Variants in GLB1L3 observed in about 807,000 individuals in gnomAD.
GLB1L3 encodes galactosidase beta 1 like 3, also known as beta-galactosidase-1-like protein 3.
Under a neutral mutation model 89.5 loss-of-function variants are expected in GLB1L3, and 89 were observed. The observed-to-expected ratio is 0.99, with a 90% CI of 0.84 to 1.19. The LOEUF is 1.19. Ranked by LOEUF, GLB1L3 falls within the 50% of genes most tolerant of loss-of-function variation. The pLI, the probability that GLB1L3 is intolerant of heterozygous loss-of-function variation, is 0.00. For missense variants in GLB1L3, 812 were observed against 813.3 expected, an observed-to-expected ratio of 1.00 and a Z score of 0.02; for synonymous variants, 314 against 312.3, an observed-to-expected ratio of 1.01 and a Z score of -0.06.
At chr11:134,284,965 G>A (rs1219748036) in intron 6 of GLB1L3, among the ~76,000 whole-genome samples, 4 of 113,838 alleles carry the variant, frequency 3.5e-5, no homozygotes, top group Non-Finnish European at 6.7e-5. Context: ...GTCTTACTCT[G>A]TTGCCCAGGC....
chr11:134,293,405 C>T (rs1056602056), intron 9 of GLB1L3, among the ~76,000 whole-genome samples, 196 bp downstream of exon 9: 9 of 152,056 alleles, frequency 5.9e-5, no homozygotes, highest in Admixed American at 2.6e-4. Flanking sequence ...GTGTCACCTC[C>T]GCTTGTGGAT....
chr11:134,287,243 ATGCAACGAGGAAAGCT>A (rs1193453786), intron 6 of GLB1L3: 3 of 152,272 alleles, frequency 2.0e-5, no homozygotes, highest in Admixed American at 6.5e-5. Context: ...AGGCACATGT[ATGCAACGAGGAAAGCT>A]AATTTACAGG....
At chr11:134,310,942 C>T in intron 12 of GLB1L3, 122 bp from the exon 13 acceptor site, 1 of 726,942 alleles carries the variant, frequency 1.4e-6, no homozygotes, top group Non-Finnish European at 2.4e-6. Context: ...AGCTCTTATA[C>T]CATGGATGAC....
chr11:134,277,162 ATGCCGCGCTGTCCT>A, intron 1 of GLB1L3, 150 bp from the exon 2 acceptor site: 1 of 816,164 alleles, frequency 1.2e-6, no homozygotes, highest in East Asian at 2.5e-5. Flanking sequence ...TGGCCGGGTG[ATGCCGCGCTGTCCT>A]GGCCCTGGGC....
intron 6 of GLB1L3, among the ~76,000 whole-genome samples, chr11:134,284,113 C>A (rs1490692348): frequency 6.6e-6 from 1 of 152,198 alleles, no homozygotes; most frequent in African/African-American, 2.4e-5. Flanking sequence ...ATTCCTCAAG[C>A]TTGCCAATCT....
chr11:134,295,304 TA>T (rs1442135969), intron 9 of GLB1L3, among the ~76,000 whole-genome samples: 1 of 152,228 alleles, frequency 6.6e-6, no homozygotes, highest in Admixed American at 6.5e-5. Context: ...CAGGAAAATT[TA>T]AGTTATTTCT....
chr11:134,298,432 T>C (rs916719285), intron 9 of GLB1L3, among the ~76,000 whole-genome samples: 2 of 152,168 alleles, frequency 1.3e-5, no homozygotes, highest in Non-Finnish European at 2.9e-5. Flanking sequence ...GATGAGCAAA[T>C]TGAATCCAGC....
chr11:134,305,177 A>G (rs1047545000), intron 9 of GLB1L3: 4 of 1,206,578 alleles, frequency 3.3e-6, no homozygotes, highest in South Asian at 2.6e-5. Context: ...CTTCCTCCTT[A>G]TAGTTCTTAT....
At position 134,286,680 on chromosome 11, in the gene GLB1L3, G is replaced by C. The variant is rs369242887; in HGVS notation, c.637-2118G>C. On this transcript the variant is annotated intron_variant, in intron 6 of 19. Coordinates refer to ENST00000431683, the MANE Select transcript of GLB1L3 (RefSeq NM_001080407.3). Reference sequence around the variant, plus strand: ...TAGTCCCAGCTACTCGGGAGGCTGAGGCAGGAGAATGACGTGAACCCGGGG... The same window carrying C: ...TAGTCCCAGCTACTCGGGAGGCTGACGCAGGAGAATGACGTGAACCCGGGG... 1.5e-3 allele frequency among the ~76,000 whole-genome samples: 229 copies of C among 148,512 alleles called. 1 individual carries two copies. The highest frequency in any genetic ancestry group is 5.0e-3 in the African/African-American group (203 of 40,356).
chr11:134,295,981 T>C (rs1028327755), intron 9 of GLB1L3, among the ~76,000 whole-genome samples: 1 of 152,230 alleles, frequency 6.6e-6, no homozygotes, highest in African/African-American at 2.4e-5. Context: ...AACATACTTG[T>C]ATAATTTCTG....
intron 6 of GLB1L3, among the ~76,000 whole-genome samples, chr11:134,286,706 G>T (rs902390610): frequency 6.6e-6 from 1 of 151,452 alleles, no homozygotes; most frequent in Non-Finnish European, 1.5e-5. Context: ...GAACCCGGGG[G>T]GCGGAGCTTG....
Position 134,276,472 on chromosome 11 carries a change from A to T in GLB1L3, c.-269A>T, listed in dbSNP as rs1185599209. 1.1e-5 allele frequency: 4 copies of T among 359,336 alleles called. No homozygotes were observed. Among genetic ancestry groups the T allele is most frequent in the Non-Finnish European group, 2.0e-5 (4 of 201,354 alleles). The allele number at this position is 359,336 out of a possible 1,614,324, so 22.3% of individuals were successfully genotyped here. A position where few individuals can be genotyped will look rare whatever the true frequency, so the allele number is the denominator to read the frequency against. The stretch of plus-strand genomic sequence containing the variant: ...TCCCGCTTCCCCTCCGAGGGCAGAG[A>T]GGCGTCCGCGCCCGGACGCACTGCG... On this transcript the variant is annotated 5_prime_UTR_variant, in exon 1 of 20. Transcript: ENST00000431683.
chr11:134,277,322 T>G lies in GLB1L3; in HGVS notation c.24-4T>G, dbSNP rs1940429818. The G allele has an allele frequency of 6.2e-7, 1 of 1,613,796 alleles. No individual in the cohort carries two copies. Among genetic ancestry groups the G allele is most frequent in the Admixed American group, 1.7e-5 (1 of 60,014 alleles). On this transcript the variant is annotated splice_polypyrimidine_tract_variant and splice_region_variant and intron_variant, in intron 1 of 19. Transcript: ENST00000431683. The stretch of plus-strand genomic sequence containing the variant: ...CTTGTCACTGTTGTCCTTTCTCCTT[T>G]CAGCCCGTGTCTCTCCTGGAAGAGA...
chr11:134,282,345 G>C (rs1940744793), intron 5 of GLB1L3, among the ~76,000 whole-genome samples: 1 of 152,124 alleles, frequency 6.6e-6, no homozygotes, highest in Non-Finnish European at 1.5e-5. Context: ...CAGATGAGAA[G>C]CTCCAGACGT....
At chr11:134,293,678 G>A (rs1941481430) in intron 9 of GLB1L3, among the ~76,000 whole-genome samples, 1 of 151,930 alleles carries the variant, frequency 6.6e-6, no homozygotes, top group African/African-American at 2.4e-5. Flanking sequence ...TGACATTACA[G>A]AGAAGGACAA....
intron 9 of GLB1L3, among the ~76,000 whole-genome samples, chr11:134,303,583 G>T (rs532029489): frequency 2.0e-5 from 3 of 152,236 alleles, no homozygotes; most frequent in African/African-American, 4.8e-5. Flanking sequence ...TCTGCTCTCC[G>T]CCTGGATTGT....
downstream of GLB1L3, chr11:134,319,578 T>C (rs1943126368): frequency 6.6e-6 from 1 of 152,094 alleles, no homozygotes; most frequent in Non-Finnish European, 1.5e-5. Flanking sequence ...CTGCCTCCCA[T>C]ACTCAATTGA....
At chr11:134,312,089 G>GC (rs1565418508) in intron 13 of GLB1L3, 1 of 400,508 alleles carries the variant, frequency 2.5e-6, no homozygotes, top group East Asian at 4.3e-5. Context: ...GAGCCCCTGC[G>GC]CCCCATCCAT....
intron 3 of GLB1L3, among the ~76,000 whole-genome samples, chr11:134,280,920 C>T (rs547686907): frequency 2.0e-5 from 3 of 152,264 alleles, no homozygotes; most frequent in African/African-American, 7.2e-5. Context: ...GGGAGGGTCC[C>T]CTGGGGGCCC....
Sources: gnomAD v4.1 joint callset for allele counts (sites outside exome capture counted in the v4.1 genomes callset) on GRCh38, gnomAD v4.1.1 for gene constraint, MANE v1.5 for transcripts, NCBI Gene and HGNC (gene_info 2026-07-23, HGNC 2026-07-21) for gene names.